Variants in SMAD3 observed in about 807,000 individuals in gnomAD.
SMAD3 encodes the protein MAD homolog 3.
A neutral mutation model predicts 51.8 loss-of-function variants in SMAD3; 12 were observed. The observed-to-expected ratio is 0.23, with a 90% CI of 0.15 to 0.38. The LOEUF is 0.38. Among genes scored for constraint, SMAD3 ranks in the 10% least tolerant of loss-of-function variants. The probability of loss-of-function intolerance (pLI) is 1.00; values close to 1 mark genes in which losing one functional copy is unlikely to be tolerated. For missense variants in SMAD3, 294 were observed against 565.6 expected (o/e 0.52, Z 4.87); for synonymous variants, 238 against 227.7 (o/e 1.05, Z -0.41).
At chr15:67,189,707 T>C (rs1315281286) in intron 8 of SMAD3, among the ~76,000 whole-genome samples, 2 of 152,230 alleles carry the variant, frequency 1.3e-5, no homozygotes, top group South Asian at 4.1e-4. Context: ...CCTCAGCAGA[T>C]AGCCTTTGCT....
chr15:67,168,941 C>T (rs1351590540), intron 4 of SMAD3, among the ~76,000 whole-genome samples: 1 of 152,146 alleles, frequency 6.6e-6, no homozygotes, highest in African/African-American at 2.4e-5. Flanking sequence ...TCCCCATGTC[C>T]CTTCACCTAC....
intron 1 of SMAD3, among the ~76,000 whole-genome samples, chr15:67,154,741 A>G (rs917216120): frequency 6.6e-6 from 1 of 152,256 alleles, no homozygotes; most frequent in Non-Finnish European, 1.5e-5. Flanking sequence ...CTAATTTTTT[A>G]TACTACTACT....
chr15:67,137,463 G>A (rs1395330971), intron 1 of SMAD3, among the ~76,000 whole-genome samples: 1 of 152,190 alleles, frequency 6.6e-6, no homozygotes, highest in African/African-American at 2.4e-5. Flanking sequence ...TAGTACTCAT[G>A]TTAGCTTCTG....
At chr15:67,114,469 G>A (rs571185681) in intron 1 of SMAD3, among the ~76,000 whole-genome samples, 3 of 152,234 alleles carry the variant, frequency 2.0e-5, no homozygotes, top group South Asian at 2.1e-4. Flanking sequence ...GGACCTCTTC[G>A]TCCCACACCC....
At chr15:67,179,542 G>C (rs1324465238) in intron 5 of SMAD3, among the ~76,000 whole-genome samples, 1 of 152,104 alleles carries the variant, frequency 6.6e-6, no homozygotes, top group Non-Finnish European at 1.5e-5. Context: ...GTGGAGTGCA[G>C]GGGTGTTACT....
intron 3 of SMAD3, chr15:67,166,010 T>G: frequency 5.1e-6 from 1 of 195,264 alleles, no homozygotes; most frequent in Non-Finnish European, 9.6e-6. Flanking sequence ...CACTTTTGCT[T>G]GCTGGGGCAG....
intron 5 of SMAD3, among the ~76,000 whole-genome samples, chr15:67,173,209 T>TG (rs1962799902): frequency 6.6e-6 from 1 of 151,566 alleles, no homozygotes; most frequent in Non-Finnish European, 1.5e-5. Flanking sequence ...TATGTACTGA[T>TG]GCTGGGGGCC....
intron 4 of SMAD3, 60 bp from the exon 5 acceptor site, chr15:67,170,494 A>G (rs1962718001): frequency 1.4e-6 from 2 of 1,383,722 alleles, no homozygotes; most frequent in Non-Finnish European, 2.1e-6. Context: ...AGTGTTTAGT[A>G]ACTTGGCTCT....
At chr15:67,066,465 G>C in intron 1 of SMAD3, 105 bp downstream of exon 1, 1 of 948,618 alleles carries the variant, frequency 1.1e-6, no homozygotes, top group Non-Finnish European at 1.6e-6. Flanking sequence ...GAGAGAGGGA[G>C]GGAGTGAGAC....
At chr15:67,186,353 C>T (rs138544315) in intron 7 of SMAD3, among the ~76,000 whole-genome samples, 1 of 152,334 alleles carries the variant, frequency 6.6e-6, no homozygotes, top group African/African-American at 2.4e-5. Flanking sequence ...CGGCCCCACC[C>T]CCATCTTTTG....
At chr15:67,069,855 G>A (rs1045040299) in intron 1 of SMAD3, among the ~76,000 whole-genome samples, 4 of 152,034 alleles carry the variant, frequency 2.6e-5, no homozygotes, top group African/African-American at 9.7e-5. Flanking sequence ...ACAGGCGCCC[G>A]CCACCACGCC....
At chr15:67,156,865 C>A (rs1566988493) in intron 1 of SMAD3, among the ~76,000 whole-genome samples, 1 of 152,230 alleles carries the variant, frequency 6.6e-6, no homozygotes, top group Non-Finnish European at 1.5e-5. Flanking sequence ...AGAGGACAGG[C>A]AGAGACATAC....
intron 1 of SMAD3, among the ~76,000 whole-genome samples, chr15:67,116,987 G>T (rs1377730021): frequency 6.6e-6 from 1 of 152,180 alleles, no homozygotes; most frequent in Non-Finnish European, 1.5e-5. Flanking sequence ...ACTTCCTCCA[G>T]GAAGCCATTC....
intron 1 of SMAD3, among the ~76,000 whole-genome samples, chr15:67,085,603 A>T (rs995126223): frequency 6.6e-6 from 1 of 152,044 alleles, no homozygotes; most frequent in African/African-American, 2.4e-5. Context: ...ATGATTTGCA[A>T]TTGGTTGTTG....
rs376117416 is a variant in SMAD3 at position 67,189,855 on chromosome 15, A to G, written c.1155-558A>G. On this transcript the variant is annotated intron_variant, in intron 8 of 8. Coordinates refer to ENST00000327367, the MANE Select transcript of SMAD3 (RefSeq NM_005902.4). The stretch of plus-strand genomic sequence containing the variant: ...TTGTTCCATGGCTCGTTCTGCTTGT[A>G]AGATTTTCCAAAATAAGGCCGTAGA... 2.1e-3 allele frequency among the ~76,000 whole-genome samples: 314 copies of G among 152,140 alleles called. 2 individuals are homozygous for G. The highest frequency in any genetic ancestry group is 7.3e-3 in the African/African-American group (303 of 41,508).
chr15:67,171,847 C>T (rs1426562889), intron 5 of SMAD3, among the ~76,000 whole-genome samples: 1 of 152,200 alleles, frequency 6.6e-6, no homozygotes, highest in Non-Finnish European at 1.5e-5. Flanking sequence ...TAAAAACAAA[C>T]TGAAGGCTAG....
chr15:67,168,138 A>T (rs1892045374), intron 4 of SMAD3, among the ~76,000 whole-genome samples: 1 of 152,206 alleles, frequency 6.6e-6, no homozygotes, highest in South Asian at 2.1e-4. Context: ...TATTTTTAGT[A>T]GAGACAGGGT....
intron 1 of SMAD3, among the ~76,000 whole-genome samples, chr15:67,078,298 G>C (rs1960213752): frequency 6.6e-6 from 1 of 152,214 alleles, no homozygotes; most frequent in South Asian, 2.1e-4. Context: ...CCCCAAATTA[G>C]ATCTCGGCCT....
chr15:67,120,971 C>G (rs766902479), intron 1 of SMAD3, among the ~76,000 whole-genome samples: 10 of 152,298 alleles, frequency 6.6e-5, no homozygotes, highest in Non-Finnish European at 1.0e-4. Flanking sequence ...CACCGGACAC[C>G]CCTGCTTAGA....
Sources: gnomAD v4.1 joint callset for allele counts (sites outside exome capture counted in the v4.1 genomes callset) on GRCh38, gnomAD v4.1.1 for gene constraint, MANE v1.5 for transcripts, NCBI Gene and HGNC (gene_info 2026-07-23, HGNC 2026-07-21) for gene names.